The following BAZ2A variants were observed in gnomAD, a reference collection of about 807,000 sequenced individuals.
BAZ2A encodes bromodomain adjacent to zinc finger domain protein 2A.
In BAZ2A, 34 loss-of-function variants were observed where a neutral mutation model predicts 199.9. The ratio of observed to expected loss-of-function variants is 0.17; its 90% CI spans 0.13 to 0.23. The LOEUF is 0.23. Ranked by LOEUF, BAZ2A falls within the 10% of genes least tolerant of loss-of-function variation. The probability of loss-of-function intolerance (pLI) is 1.00; values close to 1 mark genes in which losing one functional copy is unlikely to be tolerated. For synonymous variants in BAZ2A, 857 were observed against 883.9 expected, an observed-to-expected ratio of 0.97 and a Z score of 0.54; for missense variants, 2,002 against 2,391.1, an observed-to-expected ratio of 0.84 and a Z score of 3.39.
chr12:56,621,060 C>CCTA (rs1950906260), intron 1 of BAZ2A: 1 of 985,364 alleles, frequency 1.0e-6, no homozygotes, highest in African/African-American at 1.7e-5. Flanking sequence ...AAATACTATG[C>CCTA]CTAGAGGGCC....
chr12:56,606,767 G>C (rs1389786720), intron 10 of BAZ2A, 34 bp from the exon 11 acceptor site: 6 of 1,565,222 alleles, frequency 3.8e-6, no homozygotes, highest in Admixed American at 1.7e-5. Flanking sequence ...AAACAAGTGA[G>C]GCAGGAAGGC....
At chr12:56,610,369 T>C (rs376061938) in intron 8 of BAZ2A, 40 bp downstream of exon 8, 296 of 1,602,452 alleles carry the variant, frequency 1.8e-4, no homozygotes, top group Non-Finnish European at 2.5e-4. Flanking sequence ...AGGAGTCCAC[T>C]GAGCCCAAGA....
intron 13 of BAZ2A, 42 bp downstream of exon 13, chr12:56,605,788 T>C: frequency 1.3e-6 from 2 of 1,531,938 alleles, no homozygotes; most frequent in South Asian, 1.3e-5. Context: ...TAAAGGAAAG[T>C]CTTCCCAGCT....
At chr12:56,613,861 TG>T in intron 4 of BAZ2A, 91 bp downstream of exon 4, 1 of 1,362,170 alleles carries the variant, frequency 7.3e-7, no homozygotes, top group Admixed American at 2.3e-5. Context: ...TGCCCCTGAT[TG>T]CCTAATACTT....
At chr12:56,606,804 T>C in intron 10 of BAZ2A, 71 bp from the exon 11 acceptor site, 1 of 1,277,062 alleles carries the variant, frequency 7.8e-7, no homozygotes, top group Admixed American at 1.7e-5. Flanking sequence ...GGGCAACACA[T>C]GCCCGTCTCA....
chr12:56,617,487 G>A lies in BAZ2A; in HGVS notation c.44C>T (p.Ala15Val), dbSNP rs949698508. 1 of 1,609,774 alleles carries A rather than the reference G, an allele frequency of 6.2e-7. No homozygotes were observed. Among genetic ancestry groups the A allele is most frequent in the Non-Finnish European group, 8.5e-7 (1 of 1,178,256 alleles). ...GGGTTTCAGTCCTGAGGCAGCAGGT[G>A]CAGGGGGAAGGCCAGTAAAGTTAAA... is the stretch of plus-strand genomic sequence containing the variant. ...DHFNFTGLPP[A>V]PAASGLKPSP... Residue 15 changes from alanine to valine, a missense_variant, in exon 2 of 29, where the codon GCA (alanine) becomes GTA (valine). Around this residue, in one of 6 missense-constraint regions of BAZ2A, gnomAD observed 641 missense variants for 694.5 expected, o/e 0.92. Transcript: ENST00000549884.
At chr12:56,602,282 T>C (rs1886569549) in intron 19 of BAZ2A, 90 bp from the exon 20 acceptor site, 1 of 1,165,882 alleles carries the variant, frequency 8.6e-7, no homozygotes, top group African/African-American at 1.6e-5. Context: ...ACTTTCTTTT[T>C]CTCTTGGACT....
chr12:56,619,119 G>A (rs942415818), intron 1 of BAZ2A, among the ~76,000 whole-genome samples: 7 of 151,754 alleles, frequency 4.6e-5, no homozygotes, highest in African/African-American at 7.3e-5. Flanking sequence ...CGAGGCTGGC[G>A]GATCACCTGA....
At chr12:56,610,067 C>A (rs1199905154) in intron 9 of BAZ2A, 47 bp downstream of exon 9, 2 of 1,606,292 alleles carry the variant, frequency 1.2e-6, no homozygotes, top group African/African-American at 2.7e-5. Context: ...GCTTGTCCAC[C>A]AACTCTTCCT....
At chr12:56,630,768 C>T (rs968207084), upstream of BAZ2A, 33 of 984,962 alleles carry the variant, frequency 3.4e-5, no homozygotes, top group Non-Finnish European at 4.0e-5. Context: ...AGTCAGCCAC[C>T]CACTCACCTC....
intron 1 of BAZ2A, among the ~76,000 whole-genome samples, chr12:56,626,220 G>A (rs1320516939): frequency 1.3e-5 from 2 of 152,114 alleles, no homozygotes. Context: ...GGCATATGAG[G>A]ACACCAACAT....
In BAZ2A at chr12:56,603,682, G is replaced by A; in HGVS notation, c.3057C>T (p.Ala1019=). The change falls in exon 17 of 29, where the codon GCC becomes GCT. Residue 1019 remains alanine, a synonymous_variant. Transcript: ENST00000549884. The part of the protein sequence containing the change: ...GRLRRLKTVL[A]KRTGRSEVEM... ...CTACTTCAGACCGCCCAGTTCGCTT[G>A]GCCAGAACAGTTTTCAGCCTTGAAA... The A allele has an allele frequency of 6.2e-7, 1 of 1,613,978 alleles. No homozygotes were observed. Among genetic ancestry groups the A allele is most frequent in the Non-Finnish European group, 8.5e-7 (1 of 1,179,898 alleles).
chr12:56,604,943 A>G lies in BAZ2A; in HGVS notation c.2748+130T>C, dbSNP rs994438883. ...GAAGACCACAAAAGAAAAGGAAAAA[A>G]TAAAGAAAAATAAAATAAGGAGAGG... is the stretch of plus-strand genomic sequence containing the variant. On this transcript the variant is annotated intron_variant, in intron 14 of 28. Coordinates refer to ENST00000549884, the MANE Select transcript of BAZ2A (RefSeq NM_001300905.2). The G allele has an allele frequency of 1.2e-5, 16 of 1,389,380 alleles. No individual in the cohort carries two copies. The African/African-American group carries it at 1.8e-4, about 15-fold the overall frequency. 86.1% of individuals were successfully genotyped at this position (1,389,380 alleles called of 1,614,324 possible).
Position 56,600,786 on chromosome 12 carries a change from A to T in BAZ2A, c.4497T>A (p.Ile1499=). ...TCTTCTCTTTGGGGGACCAGCTCAT[A>T]ATCCCTTCTTGAAAGGCAGGTAGTT... The part of the protein sequence containing the change: ...PRQLPAFQEG[I]MSWSPKEKTY... Residue 1499 remains isoleucine (I), a synonymous_variant, in exon 23 of 29, where the codon ATT becomes ATA. Transcript: ENST00000549884. The T allele has an allele frequency of 6.2e-7, 1 of 1,613,868 alleles. No homozygotes were observed. Among genetic ancestry groups the T allele is most frequent in the Non-Finnish European group, 8.5e-7 (1 of 1,179,870 alleles).
intron 1 of BAZ2A, among the ~76,000 whole-genome samples, chr12:56,625,577 T>G (rs888672501): frequency 6.6e-6 from 1 of 151,972 alleles, no homozygotes; most frequent in African/African-American, 2.4e-5. Flanking sequence ...AGACTAAAAG[T>G]AGGAAGACCA....
rs543237236 is a variant in BAZ2A at position 56,625,870 on chromosome 12, C to T, written c.-3+4255G>A. ...CAGCCTGGGCGACACAGCGAAACTC[C>T]GTCTCAAAAAAAAAAAAAAAAAAAA... On this transcript the variant is annotated intron_variant, in intron 1 of 28. Transcript: ENST00000549884. Among the ~76,000 whole-genome samples the T allele has an allele frequency of 1.0e-4, 13 of 127,684 alleles. No homozygotes were observed. The South Asian group carries it at 1.7e-3, about 17-fold the overall frequency. 83.8% of individuals were successfully genotyped at this position (127,684 alleles called of 152,430 possible). A position where few individuals can be genotyped will look rare whatever the true frequency, so the allele number is the denominator to read the frequency against.
intron 1 of BAZ2A, among the ~76,000 whole-genome samples, chr12:56,621,595 C>T (rs1184605405): frequency 6.6e-6 from 1 of 152,030 alleles, no homozygotes; most frequent in Non-Finnish European, 1.5e-5. Context: ...ATTTTTGTAC[C>T]CACTTTTAAG....
chr12:56,605,035 T>C (rs756293983), intron 14 of BAZ2A, 38 bp downstream of exon 14: 2 of 1,543,408 alleles, frequency 1.3e-6, no homozygotes, highest in African/African-American at 1.4e-5. Flanking sequence ...ACATCTCCTT[T>C]ACTTGTCCTG....
At position 56,600,106 on chromosome 12, in the gene BAZ2A, G is replaced by A. The variant is rs1336723546; in HGVS notation, c.4893-10C>T. 3.1e-6 allele frequency: 5 copies of A among 1,613,748 alleles called. No homozygotes were observed. In the African/African-American group the frequency reaches 6.7e-5, roughly 22 times the overall value. ...GGTGATCTCATATGATCTGGAGGGAGAAAGTGGTGATCTTTGGAGAAGGAG... is the reference window on the plus strand; with the variant it reads ...GGTGATCTCATATGATCTGGAGGGAAAAAGTGGTGATCTTTGGAGAAGGAG... On this transcript the variant is annotated splice_polypyrimidine_tract_variant and intron_variant, in intron 24 of 28. Transcript: ENST00000549884.
Sources: allele counts gnomAD v4.1 joint callset (sites outside exome capture counted in the v4.1 genomes callset), GRCh38; gene constraint gnomAD v4.1.1; regional missense constraint gnomAD v4.1.1; transcripts MANE v1.5; gene names NCBI Gene and HGNC (gene_info 2026-07-23, HGNC 2026-07-21).